Variants in TBC1D21 observed in about 807,000 individuals in gnomAD.
TBC1D21 encodes TBC1 domain family member 21.
In TBC1D21, 38 loss-of-function variants were observed where a neutral mutation model predicts 46.0. That is an observed-to-expected ratio of 0.83 (90% confidence interval 0.64 to 1.08). The LOEUF is 1.08. Among genes scored for constraint, TBC1D21 ranks in the 50% least tolerant of loss-of-function variants. TBC1D21 has a pLI of 0.00. For synonymous variants in TBC1D21, 151 were observed against 157.2 expected (o/e 0.96, Z 0.29); for missense variants, 415 against 417.9 (o/e 0.99, Z 0.06).
At chr15:73,884,726 T>C in intron 4 of TBC1D21, 55 bp from the exon 5 acceptor site, 11 of 1,313,150 alleles carry the variant, frequency 8.4e-6, no homozygotes, top group Non-Finnish European at 8.7e-6. Flanking sequence ...AATTCACCCA[T>C]AGACCTGCTG....
intron 1 of TBC1D21, among the ~76,000 whole-genome samples, chr15:73,878,519 C>T (rs2068102205): frequency 6.6e-6 from 1 of 152,176 alleles, no homozygotes; most frequent in South Asian, 2.1e-4. Flanking sequence ...ATACTTTTTA[C>T]AGTAGCATCT....
At chr15:73,876,673 A>G (rs1300696312) in intron 1 of TBC1D21, among the ~76,000 whole-genome samples, 1 of 151,932 alleles carries the variant, frequency 6.6e-6, no homozygotes, top group African/African-American at 2.4e-5. Context: ...GTTTCTAATT[A>G]TTTCTGCCTT....
chr15:73,873,907 T>A, intron 1 of TBC1D21, 138 bp downstream of exon 1: 1 of 954,574 alleles, frequency 1.0e-6, no homozygotes. Flanking sequence ...TGTACCTTAC[T>A]CTTACCATCA....
chr15:73,903,633 A>G, the TBC1D21 span, among the ~76,000 whole-genome samples: 156 of 152,318 alleles, frequency 1.0e-3, no homozygotes, highest in Non-Finnish European at 1.6e-3. Context: ...AAGGCAACAT[A>G]TTCAATCATG....
chr15:73,886,730 G>A, intron 8 of TBC1D21, 118 bp downstream of exon 8: 1 of 908,676 alleles, frequency 1.1e-6, no homozygotes, highest in Non-Finnish European at 1.8e-6. Flanking sequence ...AGTATCTCGG[G>A]GTTTTGTTAG....
At chr15:73,884,730 C>A (rs72745335) in intron 4 of TBC1D21, 51 bp from the exon 5 acceptor site, 176,101 of 1,340,704 alleles carry the variant, frequency 0.13, 12,970 homozygotes, top group South Asian at 0.22. Context: ...CACCCATAGA[C>A]CTGCTGGATG....
the TBC1D21 span, among the ~76,000 whole-genome samples, chr15:73,907,907 T>C: frequency 6.6e-6 from 1 of 152,186 alleles, no homozygotes; most frequent in Non-Finnish European, 1.5e-5. Flanking sequence ...ACCAGGAGCC[T>C]AGATGGAAAG....
chr15:73,892,720 C>A (rs557503754), downstream of TBC1D21, among the ~76,000 whole-genome samples: 1 of 152,192 alleles, frequency 6.6e-6, no homozygotes, highest in Non-Finnish European at 1.5e-5. Flanking sequence ...GGCTCCAGGC[C>A]AATAGTGCGA....
downstream of TBC1D21, among the ~76,000 whole-genome samples, chr15:73,891,802 G>T (rs1262519024): frequency 6.6e-6 from 1 of 152,236 alleles, no homozygotes; most frequent in Non-Finnish European, 1.5e-5. Context: ...TGGACTTTGG[G>T]CACCGACAAG....
intron 9 of TBC1D21, among the ~76,000 whole-genome samples, 165 bp from the exon 10 acceptor site, chr15:73,888,265 T>A (rs2068286121): frequency 6.6e-6 from 1 of 152,164 alleles, no homozygotes. Flanking sequence ...ATATCAAATT[T>A]TAGGCATTGA....
the TBC1D21 span, among the ~76,000 whole-genome samples, chr15:73,899,608 A>C: frequency 6.6e-6 from 1 of 152,146 alleles, no homozygotes; most frequent in African/African-American, 2.4e-5. Flanking sequence ...GCGGGACAGG[A>C]GATGACAGGG....
the TBC1D21 span, among the ~76,000 whole-genome samples, chr15:73,907,877 C>G: frequency 6.6e-6 from 1 of 152,192 alleles, no homozygotes; most frequent in Non-Finnish European, 1.5e-5. Context: ...GCCTGGCTCA[C>G]AGGACTGCTA....
At chr15:73,877,707 C>CATAGT (rs2068092083) in intron 1 of TBC1D21, among the ~76,000 whole-genome samples, 1 of 152,118 alleles carries the variant, frequency 6.6e-6, no homozygotes. Context: ...GTATAAAAAG[C>CATAGT]ATAGTATATC....
chr15:73,898,864 A>AT, the TBC1D21 span, among the ~76,000 whole-genome samples: 1 of 22,512 alleles, frequency 4.4e-5, no homozygotes, highest in Non-Finnish European at 9.0e-5. Context: ...ACTCCATCTC[A>AT]AAAAAAAAAA....
chr15:73,907,028 C>G, the TBC1D21 span, among the ~76,000 whole-genome samples: 1 of 152,178 alleles, frequency 6.6e-6, no homozygotes, highest in Non-Finnish European at 1.5e-5. Context: ...AGACCCAACT[C>G]TGAGGGTAAG....
chr15:73,909,323 A>C, the TBC1D21 span, among the ~76,000 whole-genome samples: 1 of 151,988 alleles, frequency 6.6e-6, no homozygotes, highest in African/African-American at 2.4e-5. Flanking sequence ...GTGAGCCAAG[A>C]TCATACCACT....
At chr15:73,896,675 C>A in the TBC1D21 span, among the ~76,000 whole-genome samples, 7 of 152,158 alleles carry the variant, frequency 4.6e-5, no homozygotes, top group Non-Finnish European at 7.4e-5. Context: ...AGGCCCCCAA[C>A]CACAGGCCTA....
the TBC1D21 span, among the ~76,000 whole-genome samples, chr15:73,896,176 C>CT: frequency 1.4e-5 from 1 of 69,054 alleles, no homozygotes; most frequent in East Asian, 2.1e-4. Flanking sequence ...AATGGAGGTA[C>CT]TGGTAGTGGC....
chr15:73,876,223 T>TGTTTGTTTG lies in TBC1D21; in HGVS notation c.60+2454_60+2455insGTTTGTTTG, dbSNP rs1567062363. ...GGTTTTTTTTTTTTTTTTTTTTTTT[T>TGTTTGTTTG]TTTTTTTTTTTTTTTTTTTTTTGAG... On this transcript the variant is annotated intron_variant, in intron 1 of 10. Coordinates refer to ENST00000300504, the MANE Select transcript of TBC1D21 (RefSeq NM_153356.3). Among the ~76,000 whole-genome samples, 21 of 51,252 alleles carry TGTTTGTTTG rather than the reference T, an allele frequency of 4.1e-4. 1 individual carries two copies. Among genetic ancestry groups the TGTTTGTTTG allele is most frequent in the African/African-American group, 2.5e-3 (20 of 8,014 alleles). 33.6% of individuals were successfully genotyped at this position (51,252 alleles called of 152,430 possible).
Sources: gnomAD v4.1 joint callset for allele counts (sites outside exome capture counted in the v4.1 genomes callset) on GRCh38, gnomAD v4.1.1 for gene constraint, MANE v1.5 for transcripts, NCBI Gene and HGNC (gene_info 2026-07-23, HGNC 2026-07-21) for gene names.